The following NRXN1 variants were observed in gnomAD, a reference collection of about 807,000 sequenced individuals.
NRXN1 encodes the protein neurexin 1.
Under a neutral mutation model 150.9 loss-of-function variants are expected in NRXN1, and 39 were observed. That is an observed-to-expected ratio of 0.26 (90% CI 0.20 to 0.34). The LOEUF (loss-of-function observed/expected upper bound fraction) is 0.34. Ranked by LOEUF, NRXN1 falls within the 10% of genes least tolerant of loss-of-function variation. The pLI is 1.00. For missense variants in NRXN1, 1,815 were observed against 1,949.9 expected (o/e 0.93, Z 1.30); for synonymous variants, 924 against 757.0 (o/e 1.22, Z -3.62).
At chr2:50,138,114 T>A (rs1706690695) in intron 18 of NRXN1, among the ~76,000 whole-genome samples, 1 of 152,232 alleles carries the variant, frequency 6.6e-6, no homozygotes, top group African/African-American at 2.4e-5. Flanking sequence ...ATCATTTTCC[T>A]GCAAATTGAA....
chr2:50,107,478 C>T (rs1168856743), intron 18 of NRXN1, among the ~76,000 whole-genome samples: 4 of 147,896 alleles, frequency 2.7e-5, no homozygotes, highest in South Asian at 2.1e-4. Flanking sequence ...TTTAGGTTTA[C>T]TCTCCCATCA....
At chr2:50,983,320 T>C (rs907104388) in intron 2 of NRXN1, among the ~76,000 whole-genome samples, 1 of 152,096 alleles carries the variant, frequency 6.6e-6, no homozygotes, top group Non-Finnish European at 1.5e-5. Context: ...GAAAAATCAA[T>C]TTATTTCCTT....
intron 8 of NRXN1, among the ~76,000 whole-genome samples, chr2:50,598,609 T>C (rs1428716372): frequency 2.0e-5 from 3 of 147,388 alleles, no homozygotes; most frequent in Non-Finnish European, 4.5e-5. Context: ...CGTGTATATA[T>C]ACATATATAT....
intron 21 of NRXN1, among the ~76,000 whole-genome samples, chr2:49,968,190 A>G (rs1005029808): frequency 6.6e-6 from 1 of 152,030 alleles, no homozygotes; most frequent in Non-Finnish European, 1.5e-5. Flanking sequence ...AATAAGGCAA[A>G]CAAAGAATTA....
At chr2:50,900,298 C>A (rs116746468) in intron 5 of NRXN1, among the ~76,000 whole-genome samples, 142 of 152,226 alleles carry the variant, frequency 9.3e-4, no homozygotes, top group African/African-American at 3.3e-3. Context: ...CTCACCATAT[C>A]CTATATCACA....
In NRXN1 at chr2:50,703,924, G is replaced by A. The variant is rs573141165; in HGVS notation, c.833-80309C>T. Among the ~76,000 whole-genome samples, 79 of 152,104 alleles carry A rather than the reference G, an allele frequency of 5.2e-4. 1 individual carries two copies. The South Asian group carries it at 0.015, about 28-fold the overall frequency. ...AAAGGCAAGATTCATATCCAGAGCT[G>A]GGCATTTTAAGTTTACTGTAGAATA... On this transcript the variant is annotated intron_variant, in intron 5 of 22. Transcript: ENST00000401669.
chr2:50,246,438 G>A (rs1238062931), intron 17 of NRXN1, among the ~76,000 whole-genome samples: 1 of 152,024 alleles, frequency 6.6e-6, no homozygotes, highest in African/African-American at 2.4e-5. Context: ...AAAATTTGTA[G>A]TAATTTTAGG....
rs1307162332 is a variant in NRXN1 at position 50,261,027 on chromosome 2, T to C, written c.3365-24057A>G. Among the ~76,000 whole-genome samples the C allele has an allele frequency of 4.0e-5, 6 of 151,734 alleles. No individual in the cohort carries two copies. In the Admixed American group the frequency reaches 4.0e-4, roughly 10 times the overall value. On this transcript the variant is annotated intron_variant, in intron 17 of 22. Transcript: ENST00000401669. ...GAGAAAAAAAATCCCTCAAAAAGAC[T>C]TCATGGGTTTTACTAAGTCTTTCCA...
intron 18 of NRXN1, among the ~76,000 whole-genome samples, chr2:50,214,970 T>C (rs1260193067): frequency 6.6e-6 from 1 of 152,026 alleles, no homozygotes; most frequent in Non-Finnish European, 1.5e-5. Flanking sequence ...TTAATATAGC[T>C]AGGTCCCTGA....
At chr2:50,949,513 T>C (rs1358016526) in intron 2 of NRXN1, among the ~76,000 whole-genome samples, 2 of 152,074 alleles carry the variant, frequency 1.3e-5, no homozygotes, top group Non-Finnish European at 2.9e-5. Flanking sequence ...ACAATTCTGA[T>C]ACAATAATTC....
intron 18 of NRXN1, among the ~76,000 whole-genome samples, chr2:50,165,539 A>G (rs566270796): frequency 4.9e-4 from 74 of 152,048 alleles, no homozygotes; most frequent in African/African-American, 1.7e-3. Flanking sequence ...AGTAGAAACG[A>G]GGTTTCAGCA....
At chr2:50,586,115 A>G (rs1336437137) in intron 8 of NRXN1, among the ~76,000 whole-genome samples, 1 of 152,150 alleles carries the variant, frequency 6.6e-6, no homozygotes, top group Non-Finnish European at 1.5e-5. Context: ...CTCCATCTAC[A>G]TTAGCCTTTT....
At chr2:50,790,412 A>C (rs780658222) in intron 5 of NRXN1, among the ~76,000 whole-genome samples, 4 of 152,156 alleles carry the variant, frequency 2.6e-5, no homozygotes, top group African/African-American at 7.2e-5. Flanking sequence ...AAACAACCCA[A>C]CAGCCATCCA....
intron 2 of NRXN1, among the ~76,000 whole-genome samples, chr2:50,981,563 A>T (rs1237937643): frequency 6.6e-6 from 1 of 150,876 alleles, no homozygotes; most frequent in Non-Finnish European, 1.5e-5. Flanking sequence ...TTACGTATTA[A>T]TTTTTTTTAT....
At chr2:50,645,060 C>T (rs890779005) in intron 5 of NRXN1, among the ~76,000 whole-genome samples, 18 of 151,808 alleles carry the variant, frequency 1.2e-4, no homozygotes, top group African/African-American at 4.1e-4. Flanking sequence ...TACAAAATGT[C>T]TTTTTCCACC....
At chr2:50,115,217 G>GTATATATATATATATATATATA (rs35673922) in intron 18 of NRXN1, among the ~76,000 whole-genome samples, 14 of 134,912 alleles carry the variant, frequency 1.0e-4, no homozygotes, top group Non-Finnish European at 2.0e-4. Context: ...TATGTTATGT[G>GTATATATATATATATATATATA]TATATATATA....
chr2:50,143,829 G>A (rs950722022), intron 18 of NRXN1, among the ~76,000 whole-genome samples: 3 of 151,926 alleles, frequency 2.0e-5, no homozygotes, highest in African/African-American at 7.2e-5. Context: ...TAATTGCTCA[G>A]TGATTTTTTA....
chr2:50,800,730 A>C (rs2105687972), intron 5 of NRXN1, among the ~76,000 whole-genome samples: 1 of 152,176 alleles, frequency 6.6e-6, no homozygotes, highest in Middle Eastern at 3.4e-3. Flanking sequence ...TTGCATTTTT[A>C]GTAGAGACGG....
At chr2:50,319,687 T>A (rs1477667787) in intron 17 of NRXN1, among the ~76,000 whole-genome samples, 6 of 138,728 alleles carry the variant, frequency 4.3e-5, no homozygotes, top group Non-Finnish European at 9.3e-5. Flanking sequence ...AAGAAGACAG[T>A]GGCAGACAGT....
Sources: allele counts gnomAD v4.1 joint callset (sites outside exome capture counted in the v4.1 genomes callset), GRCh38; gene constraint gnomAD v4.1.1; transcripts MANE v1.5; gene names NCBI Gene and HGNC (gene_info 2026-07-23, HGNC 2026-07-21).